GUCA2A: variants seen among roughly 807,000 people sequenced by gnomAD.
The protein encoded by GUCA2A is guanylate cyclase activator 2A, also known as guanylin.
In GUCA2A, 17 loss-of-function variants were observed where a neutral mutation model predicts 11.2. The ratio of observed to expected loss-of-function variants is 1.52; its 90% confidence interval spans 1.04 to 2.28. The LOEUF (loss-of-function observed/expected upper bound fraction) is 2.28. GUCA2A is among the 30% of genes most tolerant of loss of function. GUCA2A has a pLI of 0.00. For missense variants in GUCA2A, 173 were observed against 139.3 expected, an observed-to-expected ratio of 1.24 and a Z score of -1.22; for synonymous variants, 64 against 57.1, an observed-to-expected ratio of 1.12 and a Z score of -0.54.
chr1:42,164,735 G>T lies in GUCA2A; in HGVS notation c.-23C>A, dbSNP rs1403310361. ...CATGGCAGCAGTGCCCGAGAGAGGG[G>T]TGGCTGTTCTGGATGCCAGGGGGAA... On this transcript the variant is annotated 5_prime_UTR_variant, in exon 1 of 3. Transcript: ENST00000357001. The T allele has an allele frequency of 2.0e-6, 3 of 1,467,362 alleles. No homozygotes were observed. The highest frequency in any genetic ancestry group is 3.9e-5 in the Admixed American group (2 of 50,918). The allele number at this position is 1,467,362 out of a possible 1,614,324, so 90.9% of individuals were successfully genotyped here. A position where few individuals can be genotyped will look rare whatever the true frequency, so the allele number is the denominator to read the frequency against.
Position 42,163,487 on chromosome 1 carries a change from T to C in GUCA2A, c.199A>G (p.Ile67Val), listed in dbSNP as rs1646139116. Residue 67 changes from isoleucine (I) to valine (V), a missense_variant, in exon 2 of 3, where the codon ATC becomes GTC. Ile to Val is a conservative substitution (Grantham distance 29, BLOSUM62 3). Transcript: ENST00000357001. Reference sequence around the variant, plus strand: ...GGAAAGTTCGGGTTGCTACAGAGGATGGGAACCACAGGTTCACCAGGGATG... The same window carrying C: ...GGAAAGTTCGGGTTGCTACAGAGGACGGGAACCACAGGTTCACCAGGGATG... ...APIPGEPVVPILCSNPNFPEE... is the reference protein window; with the variant it reads ...APIPGEPVVPVLCSNPNFPEE... The C allele has an allele frequency of 6.2e-7, 1 of 1,613,840 alleles. No individual in the cohort carries two copies. Among genetic ancestry groups the C allele is most frequent in the South Asian group, 1.1e-5 (1 of 91,066 alleles).
chr1:42,162,768 A>G lies in GUCA2A; in HGVS notation c.*138T>C, dbSNP rs552208980. 52 of 693,156 alleles carry G rather than the reference A, an allele frequency of 7.5e-5. No individual in the cohort carries two copies. The African/African-American group carries it at 8.4e-4, about 11-fold the overall frequency. 42.9% of individuals were successfully genotyped at this position (693,156 alleles called of 1,614,324 possible). A position where few individuals can be genotyped will look rare whatever the true frequency, so the allele number is the denominator to read the frequency against. On this transcript the variant is annotated 3_prime_UTR_variant, in exon 3 of 3. Transcript: ENST00000357001. ...GTTGGGGCGAGGCCTCCAGTCACCC[A>G]GTTCCTCCCCGGGCTGCTCCTCCCG...
rs969789557 is a variant in GUCA2A at position 42,162,725 on chromosome 1, G to A, written c.*181C>T. ...TCTGGTTTATTAGCTGGGGGTTGAAGTGGCAGGGAAGGACAGTGTTGGGGC... is the reference window on the plus strand; with the variant it reads ...TCTGGTTTATTAGCTGGGGGTTGAAATGGCAGGGAAGGACAGTGTTGGGGC... On this transcript the variant is annotated 3_prime_UTR_variant, in exon 3 of 3. Coordinates refer to ENST00000357001, the MANE Select transcript of GUCA2A (RefSeq NM_033553.3). The A allele has an allele frequency of 3.3e-6, 2 of 604,780 alleles. No homozygotes were observed. Among genetic ancestry groups the A allele is most frequent in the African/African-American group, 3.7e-5 (2 of 54,102 alleles). The allele number at this position is 604,780 out of a possible 1,614,324, so 37.5% of individuals were successfully genotyped here.
chr1:42,163,997 C>G (rs1352850736), intron 1 of GUCA2A, among the ~76,000 whole-genome samples: 4 of 152,204 alleles, frequency 2.6e-5, no homozygotes, highest in African/African-American at 9.6e-5. Flanking sequence ...TGCCTGAGAG[C>G]GGTGCGGCTG....
At position 42,162,875 on chromosome 1, in the gene GUCA2A, C is replaced by T. The variant is rs377311648; in HGVS notation, c.*31G>A. On this transcript the variant is annotated 3_prime_UTR_variant, in exon 3 of 3. Transcript: ENST00000357001. ...GCAGGAGAAAAGAGCTTCCCTGCTG[C>T]GGAGGGGAGGCAGGCAGTGGGCAAG... is the stretch of plus-strand genomic sequence containing the variant. 71 of 1,572,232 alleles carry T rather than the reference C, an allele frequency of 4.5e-5. 1 individual carries two copies. The highest frequency in any genetic ancestry group is 2.0e-4 in the South Asian group (18 of 90,280).
In GUCA2A at chr1:42,162,779, G is replaced by A. The variant is rs1267020094; in HGVS notation, c.*127C>T. The A allele has an allele frequency of 5.3e-6, 4 of 748,750 alleles. No individual in the cohort carries two copies. In the Admixed American group the frequency reaches 5.9e-5, roughly 11 times the overall value. The allele number at this position is 748,750 out of a possible 1,614,324, so 46.4% of individuals were successfully genotyped here. A position where few individuals can be genotyped will look rare whatever the true frequency, so the allele number is the denominator to read the frequency against. ...GCCTCCAGTCACCCAGTTCCTCCCC[G>A]GGCTGCTCCTCCCGACTGGACCAGG... On this transcript the variant is annotated 3_prime_UTR_variant, in exon 3 of 3. Coordinates refer to ENST00000357001, the MANE Select transcript of GUCA2A (RefSeq NM_033553.3).
chr1:42,164,110 G>A (rs1198955243), intron 1 of GUCA2A, among the ~76,000 whole-genome samples: 4 of 152,234 alleles, frequency 2.6e-5, no homozygotes, highest in Admixed American at 6.5e-5. Context: ...CCCCCGCTAG[G>A]TGCCAGCTTG....
In GUCA2A at chr1:42,163,019, G is replaced by A. The variant is rs768536228; in HGVS notation, c.284-49C>T. 1.7e-5 allele frequency: 24 copies of A among 1,440,880 alleles called. No homozygotes were observed. In the East Asian group the frequency reaches 4.6e-4, roughly 27 times the overall value. The allele number at this position is 1,440,880 out of a possible 1,614,324, so 89.3% of individuals were successfully genotyped here. On this transcript the variant is annotated intron_variant, in intron 2 of 2. Coordinates refer to ENST00000357001, the MANE Select transcript of GUCA2A (RefSeq NM_033553.3). ...GTGAGAACCAGCATTTCCTCGCGAG[G>A]CCCCTGCCGCCCTTGGCCCAGAGCT...
chr1:42,164,127 C>G (rs1646142191), intron 1 of GUCA2A, among the ~76,000 whole-genome samples: 1 of 152,248 alleles, frequency 6.6e-6, no homozygotes, highest in South Asian at 2.1e-4. Flanking sequence ...CTTGGCCTGT[C>G]GCCAGCATTG....
At chr1:42,163,672 CG>C in intron 1 of GUCA2A, 62 bp from the exon 2 acceptor site, 1 of 1,184,038 alleles carries the variant, frequency 8.4e-7, no homozygotes, top group South Asian at 1.4e-5. Context: ...CTGTGCCCCC[CG>C]TGCTGGCCCC....
chr1:42,164,584 C>A lies in GUCA2A; in HGVS notation c.75+54G>T, dbSNP rs567169365. On this transcript the variant is annotated intron_variant, in intron 1 of 2. Coordinates refer to ENST00000357001, the MANE Select transcript of GUCA2A (RefSeq NM_033553.3). ...GAGGTACTCTCTCAGGGGACCAGAC[C>A]TGGGCACTAGGGGCAGGGAGCCAGC... 1.3e-4 allele frequency: 139 copies of A among 1,030,974 alleles called. No homozygotes were observed. The African/African-American group carries it at 2.1e-3, about 15-fold the overall frequency. The allele number at this position is 1,030,974 out of a possible 1,614,324, so 63.9% of individuals were successfully genotyped here. A position where few individuals can be genotyped will look rare whatever the true frequency, so the allele number is the denominator to read the frequency against.
In GUCA2A at chr1:42,163,440, G is replaced by A; in HGVS notation, c.246C>T (p.Cys82=). The A allele has an allele frequency of 1.2e-6, 2 of 1,613,814 alleles. No individual in the cohort carries two copies. The highest frequency in any genetic ancestry group is 1.7e-6 in the Non-Finnish European group (2 of 1,179,688). ...PNFPEELKPL[C]KEPNAQEILQ... is the part of the protein sequence containing the mutation. Reference sequence around the variant, plus strand: ...GTATCTCCTGGGCATTGGGCTCCTTGCAGAGAGGCTTGAGTTCTTCTGGAA... The same window carrying A: ...GTATCTCCTGGGCATTGGGCTCCTTACAGAGAGGCTTGAGTTCTTCTGGAA... Residue 82 remains cysteine (C), a synonymous_variant, in exon 2 of 3, where the codon TGC becomes TGT. Transcript: ENST00000357001.
intron 1 of GUCA2A, among the ~76,000 whole-genome samples, chr1:42,164,385 A>G (rs935963348): frequency 1.3e-5 from 2 of 152,120 alleles, no homozygotes; most frequent in Non-Finnish European, 2.9e-5. Context: ...CACATAGGAC[A>G]CTCAGTAAAT....
chr1:42,162,994 G>T (rs528176745), intron 2 of GUCA2A, 24 bp from the exon 3 acceptor site: 3 of 1,599,620 alleles, frequency 1.9e-6, no homozygotes, highest in Middle Eastern at 1.7e-4. Flanking sequence ...ATGGAGCCTC[G>T]TGAGAACCAG....
Position 42,163,591 on chromosome 1 carries a change from G to A in GUCA2A, c.95C>T (p.Ser32Phe), listed in dbSNP as rs1162309524. Residue 32 changes from serine (S) to phenylalanine (F), a missense_variant, in exon 2 of 3, where the codon TCT becomes TTT. Transcript: ENST00000357001. ...VTVQDGNFSF[S>F]LESVKKLKDL... is the part of the protein sequence containing the mutation. ...TTTGAGCTTCTTCACTGACTCCAGA[G>A]AAAAGGAGAAATTTCCATCCTGGAA... 1 of 1,612,124 alleles carries A rather than the reference G, an allele frequency of 6.2e-7. No individual in the cohort carries two copies. The highest frequency in any genetic ancestry group is 1.1e-5 in the South Asian group (1 of 90,900).
At position 42,164,740 on chromosome 1, in the gene GUCA2A, T is replaced by C. The variant is rs751528089; in HGVS notation, c.-28A>G. ...CAGCAGTGCCCGAGAGAGGGGTGGCTGTTCTGGATGCCAGGGGGAAGCGGC... is the reference window on the plus strand; with the variant it reads ...CAGCAGTGCCCGAGAGAGGGGTGGCCGTTCTGGATGCCAGGGGGAAGCGGC... On this transcript the variant is annotated 5_prime_UTR_variant, in exon 1 of 3. Transcript: ENST00000357001. The C allele has an allele frequency of 1.4e-5, 19 of 1,377,622 alleles. 1 individual carries two copies. The South Asian group carries it at 2.2e-4, about 16-fold the overall frequency. The allele number at this position is 1,377,622 out of a possible 1,614,324, so 85.3% of individuals were successfully genotyped here. A position where few individuals can be genotyped will look rare whatever the true frequency, so the allele number is the denominator to read the frequency against.
At chr1:42,163,883 G>A (rs970721178) in intron 1 of GUCA2A, among the ~76,000 whole-genome samples, 5 of 152,242 alleles carry the variant, frequency 3.3e-5, no homozygotes, top group Non-Finnish European at 5.9e-5. Flanking sequence ...AACACCATAG[G>A]TGCCTAATGA....
intron 2 of GUCA2A, 104 bp downstream of exon 2, chr1:42,163,299 C>T (rs774586138): frequency 1.0e-4 from 77 of 759,390 alleles, no homozygotes; most frequent in Non-Finnish European, 1.6e-4. Flanking sequence ...CCAGTCAGAG[C>T]TGAGCCCTTC....
In GUCA2A at chr1:42,164,707, A is replaced by G. The variant is rs1196227452; in HGVS notation, c.6T>C (p.Asn2=). Residue 2 remains asparagine, a synonymous_variant, in exon 1 of 3, where the codon AAT becomes AAC. Transcript: ENST00000357001. ...GGCACAGTGCGGAGAGCAGGAAGGCATTCATGGCAGCAGTGCCCGAGAGAG... is the reference window on the plus strand; with the variant it reads ...GGCACAGTGCGGAGAGCAGGAAGGCGTTCATGGCAGCAGTGCCCGAGAGAG... M[N]AFLLSALCLL... 1 of 1,549,210 alleles carries G rather than the reference A, an allele frequency of 6.5e-7. No homozygotes were observed. Among genetic ancestry groups the G allele is most frequent in the Non-Finnish European group, 8.7e-7 (1 of 1,144,396 alleles).
Sources: gnomAD v4.1 joint callset for allele counts (sites outside exome capture counted in the v4.1 genomes callset) on GRCh38, gnomAD v4.1.1 for gene constraint, MANE v1.5 for transcripts, NCBI Gene and HGNC (gene_info 2026-07-23, HGNC 2026-07-21) for gene names.